EFNB2: variants seen among roughly 807,000 people sequenced by gnomAD.
EFNB2 encodes the protein ephrin-B2.
Under a neutral mutation model 32.1 loss-of-function variants are expected in EFNB2, and 5 were observed. The observed-to-expected ratio is 0.16, with a 90% CI of 0.08 to 0.33. The LOEUF is 0.33. Ranked by LOEUF, EFNB2 falls within the 10% of genes least tolerant of loss-of-function variation. The pLI is 1.00. For synonymous variants in EFNB2, 168 were observed against 166.5 expected (o/e 1.01, Z -0.07); for missense variants, 263 against 422.6 (o/e 0.62, Z 3.31).
chr13:106,529,248 G>C (rs919815462), intron 1 of EFNB2, among the ~76,000 whole-genome samples: 1 of 152,052 alleles, frequency 6.6e-6, no homozygotes, highest in Admixed American at 6.5e-5. Context: ...ATCCCCTCTG[G>C]TCTCTGTTCC....
In EFNB2 at chr13:106,493,115, C is replaced by A. The variant is rs7995379; in HGVS notation, c.927G>T (p.Gly309=). 1 of 1,614,046 alleles carries A rather than the reference C, an allele frequency of 6.2e-7. No homozygotes were observed. Among genetic ancestry groups the A allele is most frequent in the South Asian group, 1.1e-5 (1 of 91,086 alleles). ...CGATGTACACCGGGTGCCCGTAGTC[C>A]CCGCTGACCTTCTCGTAGTGAGGGC... The part of the protein sequence containing the change: ...VFCPHYEKVS[G]DYGHPVYIVQ... Residue 309 remains glycine (G), a synonymous_variant, in exon 5 of 5, where the codon GGG becomes GGT. Coordinates refer to ENST00000646441, the MANE Select transcript of EFNB2 (RefSeq NM_004093.4). The surrounding 1 kb of genome is among the most constrained non-coding windows in gnomAD (Gnocchi z 6.1).
At chr13:106,527,238 A>G (rs1300703305) in intron 1 of EFNB2, among the ~76,000 whole-genome samples, 3 of 152,116 alleles carry the variant, frequency 2.0e-5, no homozygotes, top group Admixed American at 6.6e-5. Flanking sequence ...ATTTAAATTG[A>G]GAAAATAAAT....
intron 1 of EFNB2, among the ~76,000 whole-genome samples, chr13:106,534,164 G>C (rs1879976940): frequency 6.6e-6 from 1 of 152,190 alleles, no homozygotes. Context: ...GCTTATGAAC[G>C]AAGCGGGAGG....
At chr13:106,513,085 G>A (rs536909361) in intron 1 of EFNB2, among the ~76,000 whole-genome samples, 20 of 152,200 alleles carry the variant, frequency 1.3e-4, no homozygotes, top group Non-Finnish European at 2.2e-4. Context: ...CCACCCCCTC[G>A]CTTGTAATAT....
At chr13:106,515,923 G>A (rs1353608257) in intron 1 of EFNB2, among the ~76,000 whole-genome samples, 1 of 152,198 alleles carries the variant, frequency 6.6e-6, no homozygotes, top group Non-Finnish European at 1.5e-5. Flanking sequence ...TGACAGAAAA[G>A]TGGAGACCAC....
chr13:106,503,015 C>A (rs146505037), intron 2 of EFNB2, among the ~76,000 whole-genome samples: 1 of 152,182 alleles, frequency 6.6e-6, no homozygotes, highest in African/African-American at 2.4e-5. Context: ...CTGCACCTCC[C>A]CCAACCCCCG....
chr13:106,531,164 CCAGCTCCT>C (rs1309235750), intron 1 of EFNB2, among the ~76,000 whole-genome samples: 1 of 152,216 alleles, frequency 6.6e-6, no homozygotes, highest in Non-Finnish European at 1.5e-5. Context: ...ATCTTAACCT[CCAGCTCCT>C]GTTTCTGGGG....
rs1878449219 is a variant in EFNB2, at chr13:106,492,716, A to T, written c.*324T>A. 1 of 241,562 alleles carries T rather than the reference A, an allele frequency of 4.1e-6. No homozygotes were observed. Among genetic ancestry groups the T allele is most frequent in the East Asian group, 7.9e-5 (1 of 12,650 alleles). 15.0% of individuals were successfully genotyped at this position (241,562 alleles called of 1,614,324 possible). On this transcript the variant is annotated 3_prime_UTR_variant, in exon 5 of 5. Transcript: ENST00000646441. This position sits in a 1 kb window ranked among gnomAD's most constrained non-coding sequence, Gnocchi z 5.1. Reference sequence around the variant, plus strand: ...CTCACAGCCCTCTCGTCCACAAACCACTGTCTTCCCTTGGCTTCTGCAGAG... The same window carrying T: ...CTCACAGCCCTCTCGTCCACAAACCTCTGTCTTCCCTTGGCTTCTGCAGAG...
At chr13:106,526,275 G>A (rs1300366134) in intron 1 of EFNB2, among the ~76,000 whole-genome samples, 1 of 152,186 alleles carries the variant, frequency 6.6e-6, no homozygotes, top group Non-Finnish European at 1.5e-5. Context: ...ACAAATTCGG[G>A]TTGTCTGTCC....
chr13:106,493,369 C>G lies in EFNB2; in HGVS notation c.673G>C (p.Val225Leu). The change falls in exon 5 of 5, where the codon GTG (valine) becomes CTG (leucine). Residue 225 changes from valine to leucine, a missense_variant. Transcript: ENST00000646441. This position sits in a 1 kb window ranked among gnomAD's most constrained non-coding sequence, Gnocchi z 6.1. ...GAAGCAATCCCTGCAAATAAGGCCA[C>G]TTCGGAACCGAGGATGTTGTTCCCC... ...HSGNNILGSEVALFAGIASGC... is the reference protein window; with the variant it reads ...HSGNNILGSELALFAGIASGC... 1 of 1,614,160 alleles carries G rather than the reference C, an allele frequency of 6.2e-7. No homozygotes were observed. Among genetic ancestry groups the G allele is most frequent in the Non-Finnish European group, 8.5e-7 (1 of 1,180,030 alleles).
In EFNB2 at chr13:106,534,998, C is replaced by T; in HGVS notation, c.-34G>A. ...CACTCCCAGCTCCGCGCACTCCGGG[C>T]CAAGAAGGGACTGACGGGACGCAGG... On this transcript the variant is annotated 5_prime_UTR_variant, in exon 1 of 5. Coordinates refer to ENST00000646441, the MANE Select transcript of EFNB2 (RefSeq NM_004093.4). 1 of 1,610,774 alleles carries T rather than the reference C, an allele frequency of 6.2e-7. No individual in the cohort carries two copies. The highest frequency in any genetic ancestry group is 8.5e-7 in the Non-Finnish European group (1 of 1,178,410).
chr13:106,493,289 C>T lies in EFNB2; in HGVS notation c.753G>A (p.Lys251=), dbSNP rs1378947033. Residue 251 remains lysine (K), a synonymous_variant, in exon 5 of 5, where the codon AAG becomes AAA. Coordinates refer to ENST00000646441, the MANE Select transcript of EFNB2 (RefSeq NM_004093.4). The surrounding 1 kb of genome is among the most constrained non-coding windows in gnomAD (Gnocchi z 6.1). The part of the protein sequence containing the change: ...IIITLVVLLL[K]YRRRHRKHSP... ...AGTGCTTCCTGTGTCTCCTCCGGTA[C>T]TTCAGCAAGAGGACCACCAGCGTGA... The T allele has an allele frequency of 1.9e-6, 3 of 1,614,088 alleles. No individual in the cohort carries two copies. The East Asian group carries it at 6.7e-5, about 36-fold the overall frequency.
At chr13:106,522,895 T>C (rs940034323) in intron 1 of EFNB2, among the ~76,000 whole-genome samples, 6 of 152,106 alleles carry the variant, frequency 3.9e-5, no homozygotes, top group African/African-American at 1.4e-4. Context: ...GCTCAATAGG[T>C]GGCTGTGTAA....
At chr13:106,521,346 C>T (rs2138933517) in intron 1 of EFNB2, 1 of 152,236 alleles carries the variant, frequency 6.6e-6, no homozygotes, top group South Asian at 2.1e-4. Flanking sequence ...ACCAGTTTAG[C>T]AACTCTTCAA....
intron 2 of EFNB2, among the ~76,000 whole-genome samples, chr13:106,507,207 G>A (rs918311206): frequency 3.3e-5 from 5 of 152,074 alleles, no homozygotes; most frequent in African/African-American, 1.2e-4. Flanking sequence ...TTTAATGATG[G>A]AAATGTGGCT....
intron 2 of EFNB2, among the ~76,000 whole-genome samples, chr13:106,511,966 G>A (rs1195803904): frequency 6.6e-6 from 1 of 152,134 alleles, no homozygotes; most frequent in Non-Finnish European, 1.5e-5. Flanking sequence ...AGCAAACCAA[G>A]TTTCGTCTTT....
intron 1 of EFNB2, 124 bp downstream of exon 1, chr13:106,534,718 TG>T: frequency 1.0e-6 from 1 of 1,004,514 alleles, no homozygotes; most frequent in Non-Finnish European, 1.3e-6. Flanking sequence ...GGGTTGGGGG[TG>T]GGGGACGGGG....
Position 106,535,072 on chromosome 13 carries a change from G to A in EFNB2, c.-108C>T. 1 of 1,474,488 alleles carries A rather than the reference G, an allele frequency of 6.8e-7. No homozygotes were observed. The highest frequency in any genetic ancestry group is 9.1e-7 in the Non-Finnish European group (1 of 1,104,818). The allele number at this position is 1,474,488 out of a possible 1,614,324, so 91.3% of individuals were successfully genotyped here. Reference sequence around the variant, plus strand: ...CAGACTGGCGGGGAAGACGGCGTGCGCCCGCAGGCAGCTCCGAGGCGCGCT... The same window carrying A: ...CAGACTGGCGGGGAAGACGGCGTGCACCCGCAGGCAGCTCCGAGGCGCGCT... On this transcript the variant is annotated 5_prime_UTR_variant, in exon 1 of 5. Transcript: ENST00000646441.
chr13:106,531,367 C>G (rs1432492556), intron 1 of EFNB2, among the ~76,000 whole-genome samples: 1 of 152,224 alleles, frequency 6.6e-6, no homozygotes, highest in Non-Finnish European at 1.5e-5. Context: ...AGTTTATCAT[C>G]CTGACAAAAT....
Sources: allele counts gnomAD v4.1 joint callset (sites outside exome capture counted in the v4.1 genomes callset), GRCh38; gene constraint gnomAD v4.1.1; non-coding constraint Gnocchi (gnomAD v3.1); transcripts MANE v1.5; gene names NCBI Gene and HGNC (gene_info 2026-07-23, HGNC 2026-07-21).